The following CCDC170 variants were observed in gnomAD, a reference collection of about 807,000 sequenced individuals.
The protein encoded by CCDC170 is coiled-coil domain-containing protein 170.
Under a neutral mutation model 72.6 loss-of-function variants are expected in CCDC170, and 69 were observed. The ratio of observed to expected loss-of-function variants is 0.95; its 90% CI spans 0.78 to 1.16. The LOEUF (loss-of-function observed/expected upper bound fraction) is 1.16. Among genes scored for constraint, CCDC170 ranks in the 50% most tolerant of loss-of-function variants. CCDC170 has a pLI of 0.00. For missense variants in CCDC170, 852 were observed against 832.5 expected (o/e 1.02, Z -0.29); for synonymous variants, 300 against 303.9 (o/e 0.99, Z 0.13).
chr6:151,513,919 C>CAAAAAA (rs58387477), intron 1 of CCDC170, among the ~76,000 whole-genome samples: 5 of 51,146 alleles, frequency 9.8e-5, no homozygotes, highest in African/African-American at 1.3e-4. Context: ...GACCCTGTCT[C>CAAAAAA]AAAAAAAAAA....
At chr6:151,582,232 C>T (rs1043616654) in intron 6 of CCDC170, among the ~76,000 whole-genome samples, 1 of 152,242 alleles carries the variant, frequency 6.6e-6, no homozygotes, top group Non-Finnish European at 1.5e-5. Context: ...GTGTCGCCAC[C>T]TTCATCAATG....
intron 1 of CCDC170, among the ~76,000 whole-genome samples, chr6:151,531,017 TACAC>T (rs1782483720): frequency 6.6e-6 from 1 of 152,202 alleles, no homozygotes; most frequent in East Asian, 1.9e-4. Flanking sequence ...AAATTCTGCT[TACAC>T]ATTTAAAAAA....
At chr6:151,497,013 A>G (rs908800423) in intron 1 of CCDC170, among the ~76,000 whole-genome samples, 4 of 152,210 alleles carry the variant, frequency 2.6e-5, no homozygotes, top group Non-Finnish European at 4.4e-5. Flanking sequence ...ATCATCACCA[A>G]TGCTTCCATC....
In CCDC170 at chr6:151,494,160, T is replaced by C; in HGVS notation, c.32T>C (p.Leu11Pro). ...CTGGACTGCACCAGCCATATCGCGC[T>C]GGGTGCCGCTTCGCCAGCGCCCGAG... MSLDCTSHIA[L>P]GAASPAPEET... is the part of the protein sequence containing the mutation. The change falls in exon 1 of 11, where the codon CTG (leucine) becomes CCG (proline). Residue 11 changes from leucine to proline, a missense_variant. By Grantham distance (98) the Leu-to-Pro change is moderately conservative. Transcript: ENST00000239374. 2 of 1,525,484 alleles carry C rather than the reference T, an allele frequency of 1.3e-6. No homozygotes were observed. The highest frequency in any genetic ancestry group is 1.8e-6 in the Non-Finnish European group (2 of 1,141,152). 94.5% of individuals were successfully genotyped at this position (1,525,484 alleles called of 1,614,324 possible).
At chr6:151,555,979 C>T (rs986530052) in intron 5 of CCDC170, among the ~76,000 whole-genome samples, 1 of 152,160 alleles carries the variant, frequency 6.6e-6, no homozygotes, top group African/African-American at 2.4e-5. Flanking sequence ...GGGATGGTGG[C>T]GTATGCCTGT....
chr6:151,554,757 C>T (rs970257141), intron 5 of CCDC170, among the ~76,000 whole-genome samples: 6 of 151,794 alleles, frequency 4.0e-5, no homozygotes, highest in Non-Finnish European at 5.9e-5. Flanking sequence ...AGAGACACTG[C>T]GCAGAGCGGT....
At chr6:151,610,233 T>G (rs1215594122) in intron 9 of CCDC170, among the ~76,000 whole-genome samples, 15 of 152,224 alleles carry the variant, frequency 9.9e-5, no homozygotes, top group Admixed American at 9.8e-4. Flanking sequence ...ACAGAATATA[T>G]TATTTTGAGC....
At chr6:151,525,046 C>A (rs1277391280) in intron 1 of CCDC170, among the ~76,000 whole-genome samples, 2 of 151,186 alleles carry the variant, frequency 1.3e-5, no homozygotes, top group Non-Finnish European at 2.9e-5. Flanking sequence ...CATTCTCCTG[C>A]TTCAGCCTCC....
chr6:151,593,326 A>G, intron 8 of CCDC170, 46 bp downstream of exon 8: 1 of 1,581,300 alleles, frequency 6.3e-7, no homozygotes, highest in Non-Finnish European at 8.6e-7. Flanking sequence ...GAAATTTCTG[A>G]AAAACCCAAA....
rs1221562617 is a variant in CCDC170, at chr6:151,535,825, A to G, written c.58-493A>G. The stretch of plus-strand genomic sequence containing the variant: ...CAGTGGTGCAATTATAGCTCACTGA[A>G]ACCTCAAATTCCTGGGCTCAAGTGA... On this transcript the variant is annotated intron_variant, in intron 1 of 10. Transcript: ENST00000239374. 2.0e-5 allele frequency among the ~76,000 whole-genome samples: 3 copies of G among 152,158 alleles called. No homozygotes were observed. The East Asian group carries it at 5.8e-4, about 29-fold the overall frequency.
chr6:151,620,096 C>T lies in CCDC170; in HGVS notation c.*1949C>T, dbSNP rs1438192401. On this transcript the variant is annotated 3_prime_UTR_variant, in exon 11 of 11. Coordinates refer to ENST00000239374, the MANE Select transcript of CCDC170 (RefSeq NM_025059.4). ...TTTAAATAACTAAAAATCTGAGAAT[C>T]CACAGTGCTACAGACAATAAGTGAT... is the stretch of plus-strand genomic sequence containing the variant. 6.7e-6 allele frequency: 1 copy of T among 149,596 alleles called. No homozygotes were observed. Among genetic ancestry groups the T allele is most frequent in the Non-Finnish European group, 1.5e-5 (1 of 67,774 alleles). 9.3% of individuals were successfully genotyped at this position (149,596 alleles called of 1,614,324 possible).
chr6:151,497,173 T>C (rs542582476), intron 1 of CCDC170, among the ~76,000 whole-genome samples: 14 of 151,690 alleles, frequency 9.2e-5, no homozygotes, highest in African/African-American at 2.7e-4. Context: ...GTGGATCGCT[T>C]GAGCCCAAGA....
intron 1 of CCDC170, among the ~76,000 whole-genome samples, chr6:151,503,908 C>G (rs1782029172): frequency 6.6e-6 from 1 of 151,780 alleles, no homozygotes; most frequent in Non-Finnish European, 1.5e-5. Context: ...AACCTTGTGC[C>G]AGAAGACAAA....
chr6:151,591,946 T>G (rs931642291), intron 7 of CCDC170, among the ~76,000 whole-genome samples: 1 of 144,054 alleles, frequency 6.9e-6, no homozygotes, highest in Non-Finnish European at 1.5e-5. Flanking sequence ...CTGGCTAAGT[T>G]GCCAGTGACA....
In CCDC170 at chr6:151,618,127, C is replaced by A; in HGVS notation, c.2128C>A (p.His710Asn). The A allele has an allele frequency of 6.2e-7, 1 of 1,614,060 alleles. No individual in the cohort carries two copies. Among genetic ancestry groups the A allele is most frequent in the Admixed American group, 1.7e-5 (1 of 60,018 alleles). ...TTGQERHPQG[H>N]LQLLH ...TGGGCAAGAGAGGCACCCACAAGGC[C>A]ATTTACAGCTTCTTCATTGAACACT... The change falls in exon 11 of 11, where the codon CAT becomes AAT. Residue 710 changes from histidine (H) to asparagine (N), a missense_variant. His to Asn is a moderately conservative substitution (Grantham distance 68). Coordinates refer to ENST00000239374, the MANE Select transcript of CCDC170 (RefSeq NM_025059.4).
In CCDC170 at chr6:151,562,888, T is replaced by TG. The variant is rs201048305; in HGVS notation, c.775-10285dup. 5.9e-5 allele frequency among the ~76,000 whole-genome samples: 9 copies of TG among 152,260 alleles called. No individual in the cohort carries two copies. The East Asian group carries it at 1.5e-3, about 26-fold the overall frequency. ...TAGGGGAGGGGCTGGGGAGTGTCCT[T>TG]GCTTTTCGCCCTGAGCCAGCAGAAA... On this transcript the variant is annotated intron_variant, in intron 5 of 10. Transcript: ENST00000239374.
intron 1 of CCDC170, among the ~76,000 whole-genome samples, chr6:151,514,114 C>T (rs1289225810): frequency 2.6e-5 from 4 of 151,144 alleles, no homozygotes; most frequent in African/African-American, 7.3e-5. Context: ...CCAGCCTGGA[C>T]AACATGGTGA....
chr6:151,608,774 G>T (rs1332766103), intron 9 of CCDC170, among the ~76,000 whole-genome samples: 1 of 152,190 alleles, frequency 6.6e-6, no homozygotes, highest in Non-Finnish European at 1.5e-5. Flanking sequence ...CCATGAGTAG[G>T]TGGCTGTCAG....
chr6:151,533,393 C>T (rs922215093), intron 1 of CCDC170, among the ~76,000 whole-genome samples: 6 of 151,866 alleles, frequency 4.0e-5, no homozygotes, highest in African/African-American at 1.4e-4. Context: ...TCTGGCTGGG[C>T]GTAGTGGCTC....
Sources: allele counts gnomAD v4.1 joint callset (sites outside exome capture counted in the v4.1 genomes callset), GRCh38; gene constraint gnomAD v4.1.1; transcripts MANE v1.5; gene names NCBI Gene and HGNC (gene_info 2026-07-23, HGNC 2026-07-21).